Variants in FYB1 observed in about 807,000 individuals in gnomAD.
FYB1 encodes FYN binding protein 1, also known as FYN-binding protein 1.
FYB1 carries 41 observed loss-of-function variants against 94.1 expected under a neutral mutation model. The ratio of observed to expected loss-of-function variants is 0.44; its 90% CI spans 0.34 to 0.57. The LOEUF (loss-of-function observed/expected upper bound fraction) is 0.57, where lower values mean the gene tolerates loss of function less well. Ranked by LOEUF, FYB1 falls within the 20% of genes least tolerant of loss-of-function variation. FYB1 has a pLI of 0.02. For missense variants in FYB1, 1,050 were observed against 976.8 expected, an observed-to-expected ratio of 1.07 and a Z score of -1.00; for synonymous variants, 367 against 353.2, an observed-to-expected ratio of 1.04 and a Z score of -0.44.
In FYB1 at chr5:39,202,198, A is replaced by G. The variant is rs1255021845; in HGVS notation, c.763T>C (p.Ser255Pro). 8.7e-6 allele frequency: 14 copies of G among 1,613,980 alleles called. No individual in the cohort carries two copies. The highest frequency in any genetic ancestry group is 1.2e-5 in the Non-Finnish European group (14 of 1,179,888). ...ACCACTCCAGGAAAGGGCAAACTTG[A>G]AATCTCCCCTGCATGGTCTTTATTT... ...SENKDHAGEISSLPFPGVVLK... is the reference protein window; with the variant it reads ...SENKDHAGEIPSLPFPGVVLK... Residue 255 changes from serine to proline, a missense_variant, in exon 2 of 19, where the codon TCA (serine) becomes CCA (proline). Transcript: ENST00000512982.
chr5:39,142,276 G>A (rs1742260888), intron 3 of FYB1, among the ~76,000 whole-genome samples: 1 of 152,176 alleles, frequency 6.6e-6, no homozygotes, highest in Non-Finnish European at 1.5e-5. Flanking sequence ...TTTCTTCAAT[G>A]TGTGATTCCT....
chr5:39,213,431 T>C (rs1177726341), intron 1 of FYB1, among the ~76,000 whole-genome samples: 1 of 152,212 alleles, frequency 6.6e-6, no homozygotes, highest in Non-Finnish European at 1.5e-5. Context: ...GAAATTGACC[T>C]CCTGTCCAAG....
intron 3 of FYB1, among the ~76,000 whole-genome samples, chr5:39,149,424 C>T (rs1743053442): frequency 6.6e-6 from 1 of 152,166 alleles, no homozygotes; most frequent in Non-Finnish European, 1.5e-5. Context: ...TCCTGCAATT[C>T]TCCCCTCTCT....
upstream of FYB1, among the ~76,000 whole-genome samples, chr5:39,220,812 C>T (rs574948524): frequency 6.6e-6 from 1 of 152,294 alleles, no homozygotes; most frequent in South Asian, 2.1e-4. Flanking sequence ...GCCCGCATGC[C>T]AAATCTGGCC....
At position 39,125,462 on chromosome 5, in the gene FYB1, T is replaced by C. The variant is rs189250322; in HGVS notation, c.2045+536A>G. ...CTTTTAGTATAGGAAAAATTATTAA[T>C]ATATCATTAGAGTGTAATATAGTTA... On this transcript the variant is annotated intron_variant, in intron 12 of 18. Coordinates refer to ENST00000512982, the MANE Select transcript of FYB1 (RefSeq NM_001465.6). Among the ~76,000 whole-genome samples, 7 of 152,308 alleles carry C rather than the reference T, an allele frequency of 4.6e-5. No individual in the cohort carries two copies. The South Asian group carries it at 8.3e-4, about 18-fold the overall frequency.
intron 1 of FYB1, among the ~76,000 whole-genome samples, chr5:39,261,629 C>T (rs1752221799): frequency 6.6e-6 from 1 of 152,108 alleles, no homozygotes. Context: ...TGCCTGTAAT[C>T]CCAGCTACTA....
intron 1 of FYB1, among the ~76,000 whole-genome samples, chr5:39,214,646 G>T (rs1749699179): frequency 6.6e-6 from 1 of 152,206 alleles, no homozygotes. Context: ...AACAAGTATT[G>T]GCTGGGTGCT....
chr5:39,188,129 C>T (rs770541120), intron 2 of FYB1, among the ~76,000 whole-genome samples: 4 of 152,014 alleles, frequency 2.6e-5, no homozygotes, highest in Non-Finnish European at 4.4e-5. Flanking sequence ...CCAAAGGCCC[C>T]GATATCCCTC....
chr5:39,225,971 C>T (rs921702048), intron 1 of FYB1, among the ~76,000 whole-genome samples: 3 of 78,024 alleles, frequency 3.8e-5, no homozygotes, highest in East Asian at 2.9e-4. Context: ...AGGCTTATTT[C>T]GTCACAGCAT....
Position 39,126,115 on chromosome 5 carries a change from T to C in FYB1, c.1928A>G (p.Glu643Gly), listed in dbSNP as rs552390836. The C allele has an allele frequency of 3.1e-6, 5 of 1,613,488 alleles. No homozygotes were observed. The highest frequency in any genetic ancestry group is 1.7e-5 in the Admixed American group (1 of 59,944). Residue 643 changes from glutamate (E) to glycine (G), a missense_variant, in exon 12 of 19, where the codon GAG becomes GGG. Transcript: ENST00000512982. ...CCCCCAGGACCACGTATTACTCTTC[T>C]CTTGAACCTGTAGTGTGGAGCTTTG... The part of the protein sequence containing the change: ...ADDGSTLQVQ[E>G]KSNTWSWGIL...
rs1444401383 is a variant in FYB1, at chr5:39,122,715, C to A, written c.2072-313G>T. Among the ~76,000 whole-genome samples, 5 of 152,110 alleles carry A rather than the reference C, an allele frequency of 3.3e-5. No individual in the cohort carries two copies. The East Asian group carries it at 9.7e-4, about 29-fold the overall frequency. On this transcript the variant is annotated intron_variant, in intron 13 of 18. Coordinates refer to ENST00000512982, the MANE Select transcript of FYB1 (RefSeq NM_001465.6). ...CAAGTGCAATGAATGTCAGGAGTGG[C>A]AAATTGCTGATAAACAAATCAACAT...
intron 1 of FYB1, among the ~76,000 whole-genome samples, chr5:39,226,740 C>G (rs879558178): frequency 9.2e-5 from 14 of 152,016 alleles, no homozygotes; most frequent in Admixed American, 2.6e-4. Context: ...TAAAAATAAC[C>G]AGAGGAGATT....
At chr5:39,245,761 G>T (rs1451246886) in intron 1 of FYB1, among the ~76,000 whole-genome samples, 1 of 152,122 alleles carries the variant, frequency 6.6e-6, no homozygotes, top group Admixed American at 6.6e-5. Context: ...ACTACAACCA[G>T]CTAGTTTTTG....
intron 3 of FYB1, among the ~76,000 whole-genome samples, chr5:39,144,971 T>A (rs999863936): frequency 4.6e-5 from 7 of 152,186 alleles, no homozygotes; most frequent in African/African-American, 1.7e-4. Context: ...TCTATTTTTT[T>A]AGGAATAACT....
chr5:39,260,825 C>T (rs1316072329), intron 1 of FYB1, among the ~76,000 whole-genome samples: 2 of 152,000 alleles, frequency 1.3e-5, no homozygotes, highest in East Asian at 1.9e-4. Flanking sequence ...ACCCTGAATG[C>T]GTGGGGATTA....
intron 16 of FYB1, among the ~76,000 whole-genome samples, chr5:39,112,080 T>A (rs1739124538): frequency 6.6e-6 from 1 of 151,952 alleles, no homozygotes; most frequent in Non-Finnish European, 1.5e-5. Context: ...ATTCTACATG[T>A]GTCTCTCAAA....
chr5:39,110,375 G>A lies in FYB1; in HGVS notation c.2416C>T (p.Arg806Trp), dbSNP rs767546031. Residue 806 changes from arginine (R) to tryptophan (W), a missense_variant, in exon 17 of 19, where the codon CGG becomes TGG. Physicochemically the swap from Arg to Trp is moderately radical, Grantham distance 101. Transcript: ENST00000512982. The stretch of plus-strand genomic sequence containing the variant: ...GCTTACTTGTCCGCTAGGTAACTCC[G>A]AAGGACATAACCATCTACGAAGGAA... The part of the protein sequence containing the change: ...NEEGKYGYVL[R>W]SYLADNDGEI... 92 of 1,594,406 alleles carry A rather than the reference G, an allele frequency of 5.8e-5. 1 individual carries two copies. The highest frequency in any genetic ancestry group is 8.4e-5 in the Admixed American group (5 of 59,232).
chr5:39,124,058 T>C (rs1318799025), intron 13 of FYB1, among the ~76,000 whole-genome samples, 195 bp downstream of exon 13: 2 of 152,300 alleles, frequency 1.3e-5, no homozygotes, highest in South Asian at 2.1e-4. Flanking sequence ...ACTATCAGTC[T>C]TTTTAATTTT....
intron 2 of FYB1, among the ~76,000 whole-genome samples, chr5:39,159,432 G>C (rs1744051520): frequency 6.6e-6 from 1 of 152,152 alleles, no homozygotes; most frequent in South Asian, 2.1e-4. Flanking sequence ...TCTTATGGTT[G>C]CATGGCCACA....
Sources: allele counts gnomAD v4.1 joint callset (sites outside exome capture counted in the v4.1 genomes callset), GRCh38; gene constraint gnomAD v4.1.1; transcripts MANE v1.5; gene names NCBI Gene and HGNC (gene_info 2026-07-23, HGNC 2026-07-21).